UBAP2L: variants seen among roughly 807,000 people sequenced by gnomAD.
The protein encoded by UBAP2L is ubiquitin-associated protein 2-like.
A neutral mutation model predicts 130.6 loss-of-function variants in UBAP2L; 12 were observed. The ratio of observed to expected loss-of-function variants is 0.09; its 90% CI spans 0.06 to 0.15. The LOEUF (loss-of-function observed/expected upper bound fraction) is 0.15. UBAP2L is among the 10% of genes least tolerant of loss of function. The pLI is 1.00. For synonymous variants in UBAP2L, 503 were observed against 524.7 expected, an observed-to-expected ratio of 0.96 and a Z score of 0.57; for missense variants, 965 against 1,332.5, an observed-to-expected ratio of 0.72 and a Z score of 4.29.
intron 23 of UBAP2L, 132 bp downstream of exon 23, chr1:154,261,241 G>A: frequency 1.9e-6 from 2 of 1,079,956 alleles, no homozygotes; most frequent in South Asian, 1.6e-5. Context: ...CCTGTTTTTG[G>A]CCTGATGCAG....
intron 14 of UBAP2L, among the ~76,000 whole-genome samples, chr1:154,252,868 T>C (rs2340473): frequency 0.45 from 68,979 of 151,802 alleles, 15,966 homozygotes; most frequent in South Asian, 0.64. Flanking sequence ...CCAAATCTTA[T>C]ATGGTTCTTG....
At position 154,270,721 on chromosome 1, in the gene UBAP2L, G is replaced by A. The variant is rs1240776383; in HGVS notation, c.*426G>A. 2 of 1,402,748 alleles carry A rather than the reference G, an allele frequency of 1.4e-6. No individual in the cohort carries two copies. Among genetic ancestry groups the A allele is most frequent in the African/African-American group, 3.0e-5 (2 of 67,548 alleles). 86.9% of individuals were successfully genotyped at this position (1,402,748 alleles called of 1,614,324 possible). ...ACAACAAACAAAAAAATGGCGTCAT[G>A]AATATGAACAGCATTGTCAGATGAA... is the stretch of plus-strand genomic sequence containing the variant. On this transcript the variant is annotated 3_prime_UTR_variant, in exon 27 of 27. Coordinates refer to ENST00000428931, the MANE Select transcript of UBAP2L (RefSeq NM_014847.4).
rs930062771 is a variant in UBAP2L, at chr1:154,225,220, A to G, written c.90+7A>G. 6.2e-7 allele frequency: 1 copy of G among 1,613,776 alleles called. No homozygotes were observed. The highest frequency in any genetic ancestry group is 8.5e-7 in the Non-Finnish European group (1 of 1,179,908). On this transcript the variant is annotated splice_region_variant and intron_variant, in intron 2 of 26. Transcript: ENST00000428931. ...GCACAAGCAGCGGCCACAGGTAAATAATCCAAGGCATACGGATTCATGGAT... is the reference window on the plus strand; with the variant it reads ...GCACAAGCAGCGGCCACAGGTAAATGATCCAAGGCATACGGATTCATGGAT...
chr1:154,237,808 C>G (rs935722760), intron 8 of UBAP2L, among the ~76,000 whole-genome samples: 9 of 152,204 alleles, frequency 5.9e-5, no homozygotes, highest in African/African-American at 2.2e-4. Flanking sequence ...ACTTTGGTGC[C>G]TGCGTCTGGG....
rs1174186857 is a variant in UBAP2L at position 154,228,252 on chromosome 1, A to G, written c.169-363A>G. 4.6e-5 allele frequency among the ~76,000 whole-genome samples: 7 copies of G among 151,754 alleles called. No individual in the cohort carries two copies. The East Asian group carries it at 1.4e-3, about 29-fold the overall frequency. Reference sequence around the variant, plus strand: ...GTCCAGGCTAGAGTGCAGTGGCGCAATCTCAGCTCACTGCAACCTCCGCCT... The same window carrying G: ...GTCCAGGCTAGAGTGCAGTGGCGCAGTCTCAGCTCACTGCAACCTCCGCCT... On this transcript the variant is annotated intron_variant, in intron 3 of 26. Coordinates refer to ENST00000428931, the MANE Select transcript of UBAP2L (RefSeq NM_014847.4).
In UBAP2L at chr1:154,261,106, C is replaced by A; in HGVS notation, c.2793C>A (p.Phe931Leu). 1.2e-6 allele frequency: 2 copies of A among 1,613,484 alleles called. No individual in the cohort carries two copies. Among genetic ancestry groups the A allele is most frequent in the Non-Finnish European group, 1.7e-6 (2 of 1,179,580 alleles). The change falls in exon 23 of 27, where the codon TTC (phenylalanine) becomes TTA (leucine). Residue 931 changes from phenylalanine (F) to leucine (L), a missense_variant. Phe to Leu is a conservative substitution (Grantham distance 22, BLOSUM62 0). Transcript: ENST00000428931. ...PSTFQYGPAV[F>L]PVAPTSSKQH... ...CCTTCCAGTATGGGCCTGCTGTGTT[C>A]CCTGTGAGTACCTGGCTTTGGTCAC...
chr1:154,230,174 T>A (rs1179017421), intron 4 of UBAP2L, among the ~76,000 whole-genome samples: 1 of 152,168 alleles, frequency 6.6e-6, no homozygotes, highest in East Asian at 1.9e-4. Context: ...GCCTGGCTAA[T>A]TTTTTGTATT....
chr1:154,267,078 G>T (rs533195250), intron 25 of UBAP2L, among the ~76,000 whole-genome samples: 7 of 151,668 alleles, frequency 4.6e-5, no homozygotes, highest in Non-Finnish European at 1.0e-4. Context: ...GTCTGGGGGG[G>T]CACTTCATGC....
chr1:154,264,246 C>A (rs1387059474), intron 24 of UBAP2L, among the ~76,000 whole-genome samples: 1 of 152,132 alleles, frequency 6.6e-6, no homozygotes, highest in Non-Finnish European at 1.5e-5. Context: ...TTGTTCCCAG[C>A]CCTTTGGAGT....
At chr1:154,244,516 G>A (rs1264371967) in intron 10 of UBAP2L, among the ~76,000 whole-genome samples, 1 of 152,002 alleles carries the variant, frequency 6.6e-6, no homozygotes, top group Non-Finnish European at 1.5e-5. Context: ...GGGATTACAG[G>A]CATGCACCAC....
At chr1:154,265,417 A>G (rs1269040503) in intron 24 of UBAP2L, among the ~76,000 whole-genome samples, 1 of 152,238 alleles carries the variant, frequency 6.6e-6, no homozygotes. Context: ...TAGACAGGCA[A>G]AGTTTTTCTG....
At position 154,235,156 on chromosome 1, in the gene UBAP2L, T is replaced by TTTG. The variant is rs369112672; in HGVS notation, c.449-25_449-23dup. 157 of 725,486 alleles carry TTTG rather than the reference T, an allele frequency of 2.2e-4. 2 individuals are homozygous for TTTG. The highest frequency in any genetic ancestry group is 1.7e-3 in the South Asian group (114 of 66,958). 44.9% of individuals were successfully genotyped at this position (725,486 alleles called of 1,614,324 possible). A position where few individuals can be genotyped will look rare whatever the true frequency, so the allele number is the denominator to read the frequency against. Reference sequence around the variant, plus strand: ...CTCTGGCCATCTGTGGTTTGGTTTTTTTGTTGTTGTTGTTGTTTTAATTTT... The same window carrying TTTG: ...CTCTGGCCATCTGTGGTTTGGTTTTTTTGTTGTTGTTGTTGTTGTTTTAATTTT... On this transcript the variant is annotated intron_variant, in intron 5 of 26. Coordinates refer to ENST00000428931, the MANE Select transcript of UBAP2L (RefSeq NM_014847.4).
chr1:154,241,413 CT>C (rs1673591122), intron 8 of UBAP2L, 99 bp from the exon 9 acceptor site: 5 of 1,207,606 alleles, frequency 4.1e-6, no homozygotes, highest in Admixed American at 3.9e-5. Flanking sequence ...TTTAGTCATA[CT>C]TTTGGCTGCC....
chr1:154,255,740 G>T lies in UBAP2L; in HGVS notation c.2142G>T (p.Ser714=), dbSNP rs780715387. 5.6e-6 allele frequency: 9 copies of T among 1,614,114 alleles called. No homozygotes were observed. The highest frequency in any genetic ancestry group is 5.9e-6 in the Non-Finnish European group (7 of 1,180,026). ...CATCAACATCTTCTGGGCGCACTTC[G>T]ACATCCACTCTTTTGGTAAGTGTGA... is the stretch of plus-strand genomic sequence containing the variant. ...LSSSTSSGRT[S]TSTLLHTSVE... The change falls in exon 18 of 27, where the codon TCG becomes TCT. Residue 714 remains serine (S), a synonymous_variant. Coordinates refer to ENST00000428931, the MANE Select transcript of UBAP2L (RefSeq NM_014847.4).
chr1:154,237,504 T>C (rs1232220950), intron 8 of UBAP2L, among the ~76,000 whole-genome samples: 2 of 152,210 alleles, frequency 1.3e-5, no homozygotes, highest in Non-Finnish European at 2.9e-5. Context: ...GGTCCAAGTG[T>C]ATTTTCTAGT....
At chr1:154,246,504 G>A in intron 11 of UBAP2L, 129 bp downstream of exon 11, 1 of 1,071,918 alleles carries the variant, frequency 9.3e-7, no homozygotes, top group Non-Finnish European at 1.3e-6. Context: ...AAGCAGACTT[G>A]GTTGTAGAAA....
intron 10 of UBAP2L, among the ~76,000 whole-genome samples, chr1:154,244,715 A>G (rs772730809): frequency 1.3e-5 from 2 of 152,170 alleles, no homozygotes; most frequent in African/African-American, 2.4e-5. Context: ...AGAAATGAGT[A>G]GGGCAAGGTA....
chr1:154,227,917 G>A (rs988867053), intron 3 of UBAP2L, among the ~76,000 whole-genome samples: 2 of 152,152 alleles, frequency 1.3e-5, no homozygotes, highest in African/African-American at 4.8e-5. Context: ...GCCTGTTGCT[G>A]ATGCCATTTT....
rs796708882 is a variant in UBAP2L at position 154,222,179 on chromosome 1, C to T, written c.-41+1204C>T. On this transcript the variant is annotated intron_variant, in intron 1 of 26. Coordinates refer to ENST00000428931, the MANE Select transcript of UBAP2L (RefSeq NM_014847.4). ...TTTTTTTGTCTTCTCTCCCATCCTA[C>T]CTTCCTCCGCCGCATATCCTGTTTT... Among the ~76,000 whole-genome samples the T allele has an allele frequency of 3.3e-5, 5 of 152,246 alleles. 1 individual carries two copies. Among genetic ancestry groups the T allele is most frequent in the African/African-American group, 1.2e-4 (5 of 41,542 alleles).
Sources: allele counts gnomAD v4.1 joint callset (sites outside exome capture counted in the v4.1 genomes callset), GRCh38; gene constraint gnomAD v4.1.1; transcripts MANE v1.5; gene names NCBI Gene and HGNC (gene_info 2026-07-23, HGNC 2026-07-21).